The following STOX1 variants were observed in gnomAD, a reference collection of about 807,000 sequenced individuals.
STOX1 encodes storkhead box 1, also known as storkhead-box protein 1.
A neutral mutation model predicts 74.8 loss-of-function variants in STOX1; 57 were observed. The ratio of observed to expected loss-of-function variants is 0.76; its 90% CI spans 0.62 to 0.95. The LOEUF (loss-of-function observed/expected upper bound fraction) is 0.95, where lower values mean the gene tolerates loss of function less well. Among genes scored for constraint, STOX1 ranks in the 40% least tolerant of loss-of-function variants. The pLI is 0.00. For synonymous variants in STOX1, 375 were observed against 401.3 expected, an observed-to-expected ratio of 0.93 and a Z score of 0.78; for missense variants, 1,010 against 1,117.0, an observed-to-expected ratio of 0.90 and a Z score of 1.37.
downstream of STOX1, among the ~76,000 whole-genome samples, chr10:68,894,730 C>T (rs186981566): frequency 1.2e-3 from 178 of 151,898 alleles, no homozygotes; most frequent in African/African-American, 4.2e-3. Context: ...ATTTTAACAA[C>T]GAAAAAAAAA....
Position 68,892,751 on chromosome 10 carries a change from C to T in STOX1, c.*15C>T. On this transcript the variant is annotated 3_prime_UTR_variant, in exon 4 of 4. Coordinates refer to ENST00000298596, the MANE Select transcript of STOX1 (RefSeq NM_152709.5). ...TAAACGTTTAATTTTCTTTTGGAAA[C>T]CTACTTTTTTCTTTATAAAAAGGTA... The T allele has an allele frequency of 1.9e-6, 3 of 1,612,056 alleles. No individual in the cohort carries two copies. The highest frequency in any genetic ancestry group is 2.5e-6 in the Non-Finnish European group (3 of 1,178,512).
chr10:68,882,168 A>G (rs1043030514), intron 2 of STOX1, 58 bp downstream of exon 2: 45 of 1,534,810 alleles, frequency 2.9e-5, no homozygotes, highest in Middle Eastern at 1.7e-4. Flanking sequence ...GTTTCTATTT[A>G]TAATTAGTCT....
intron 1 of STOX1, among the ~76,000 whole-genome samples, chr10:68,877,982 G>C (rs1840720709): frequency 6.6e-6 from 1 of 152,138 alleles, no homozygotes; most frequent in Non-Finnish European, 1.5e-5. Flanking sequence ...GGGGAAGAAG[G>C]ATTCTTGTTT....
In STOX1 at chr10:68,882,106, C is replaced by A; in HGVS notation, c.459C>A (p.Tyr153Ter). 6.2e-7 allele frequency: 1 copy of A among 1,613,464 alleles called. No homozygotes were observed. The highest frequency in any genetic ancestry group is 1.1e-5 in the South Asian group (1 of 91,062). ...TTTTGGAGCGTTTGATGAAACATTA[C>A]CCAGGTAGAGTAATAAATTTTTGTC... ...ESLLERLMKH[Y>*]PGIAIPSEDI... The change falls in exon 2 of 4, where the codon TAC becomes TAA. Residue 153 changes from tyrosine (Y) to a stop codon, truncating the protein, a stop_gained. Transcript: ENST00000298596. LOFTEE classifies it high-confidence loss of function.
chr10:68,844,569 G>A (rs920273338), intron 1 of STOX1, among the ~76,000 whole-genome samples: 4 of 151,910 alleles, frequency 2.6e-5, no homozygotes, highest in South Asian at 2.1e-4. Context: ...AAAGCACTGC[G>A]ATTATAGGCA....
chr10:68,893,924 T>C (rs1018595979), downstream of STOX1, among the ~76,000 whole-genome samples: 2 of 152,152 alleles, frequency 1.3e-5, no homozygotes, highest in African/African-American at 4.8e-5. Context: ...ACCTAGAATT[T>C]TTTCTGTTAA....
intron 1 of STOX1, among the ~76,000 whole-genome samples, chr10:68,852,600 C>T (rs1487378307): frequency 6.0e-5 from 9 of 150,236 alleles, no homozygotes; most frequent in Non-Finnish European, 7.4e-5. Flanking sequence ...TTTTTTTTCT[C>T]CAAGACAGGG....
intron 1 of STOX1, among the ~76,000 whole-genome samples, chr10:68,835,164 C>G (rs1427631727): frequency 6.6e-6 from 1 of 151,884 alleles, no homozygotes; most frequent in East Asian, 1.9e-4. Flanking sequence ...GCCTCAGCCT[C>G]CTGAGTAGCT....
chr10:68,833,003 C>CA (rs1174657221), intron 1 of STOX1, among the ~76,000 whole-genome samples: 1 of 151,220 alleles, frequency 6.6e-6, no homozygotes, highest in Non-Finnish European at 1.5e-5. Context: ...CTCCTGGGCT[C>CA]AAACAATCCT....
At position 68,845,271 on chromosome 10, in the gene STOX1, AT is replaced by A. The variant is rs999265975; in HGVS notation, c.310+17358del. On this transcript the variant is annotated intron_variant, in intron 1 of 3. Transcript: ENST00000298596. ...AGTTGCGCACCACAACAGCTGGCTA[AT>A]TTTTTTTTTTTTTTTTTTTGAGATG... Among the ~76,000 whole-genome samples the A allele has an allele frequency of 4.4e-3, 531 of 121,918 alleles. 2 individuals carry two copies. Among genetic ancestry groups the A allele is most frequent in the African/African-American group, 0.011 (354 of 31,512 alleles). The allele number at this position is 121,918 out of a possible 152,430, so 80.0% of individuals were successfully genotyped here.
At chr10:68,849,004 G>C (rs1412270892) in intron 1 of STOX1, among the ~76,000 whole-genome samples, 1 of 152,170 alleles carries the variant, frequency 6.6e-6, no homozygotes, top group Non-Finnish European at 1.5e-5. Flanking sequence ...GGAACTCATA[G>C]GGTGCCAAGC....
At chr10:68,844,442 G>A (rs1839782005) in intron 1 of STOX1, among the ~76,000 whole-genome samples, 1 of 151,816 alleles carries the variant, frequency 6.6e-6, no homozygotes, top group Non-Finnish European at 1.5e-5. Flanking sequence ...GGGATTACAG[G>A]TATCTGCCAC....
intron 1 of STOX1, among the ~76,000 whole-genome samples, chr10:68,846,538 C>T (rs1172704297): frequency 4.6e-5 from 7 of 152,120 alleles, no homozygotes; most frequent in African/African-American, 1.4e-4. Flanking sequence ...ATTGGATAAC[C>T]CTGGCTTTTT....
chr10:68,848,763 C>T (rs1166277606), intron 1 of STOX1, among the ~76,000 whole-genome samples: 3 of 152,158 alleles, frequency 2.0e-5, no homozygotes, highest in South Asian at 2.1e-4. Context: ...TTCCTAGGCA[C>T]GTGTGATTCT....
intron 1 of STOX1, among the ~76,000 whole-genome samples, chr10:68,832,266 G>T (rs577215408): frequency 6.6e-6 from 1 of 152,274 alleles, no homozygotes; most frequent in East Asian, 1.9e-4. Flanking sequence ...AAAGATTAAC[G>T]GTGGGGGTGG....
intron 1 of STOX1, among the ~76,000 whole-genome samples, chr10:68,858,482 T>C (rs1840182181): frequency 6.6e-6 from 1 of 152,150 alleles, no homozygotes; most frequent in Non-Finnish European, 1.5e-5. Context: ...CTTTAAAATT[T>C]CTAACAGCCT....
At chr10:68,834,190 A>G (rs901941637) in intron 1 of STOX1, among the ~76,000 whole-genome samples, 27 of 152,346 alleles carry the variant, frequency 1.8e-4, no homozygotes, top group African/African-American at 6.3e-4. Flanking sequence ...ATGGCCTTCC[A>G]ATCACAGAGA....
intron 1 of STOX1, among the ~76,000 whole-genome samples, chr10:68,835,775 A>G (rs997401133): frequency 6.6e-6 from 1 of 152,246 alleles, no homozygotes; most frequent in African/African-American, 2.4e-5. Flanking sequence ...ATTTTCAGTT[A>G]CAGGCAGCAA....
chr10:68,865,459 C>T (rs1479621142), intron 1 of STOX1, among the ~76,000 whole-genome samples: 1 of 152,184 alleles, frequency 6.6e-6, no homozygotes, highest in South Asian at 2.1e-4. Flanking sequence ...ACCATCCTGG[C>T]TAACATGGTG....
Sources: allele counts gnomAD v4.1 joint callset (sites outside exome capture counted in the v4.1 genomes callset), GRCh38; gene constraint gnomAD v4.1.1; transcripts MANE v1.5; gene names NCBI Gene and HGNC (gene_info 2026-07-23, HGNC 2026-07-21).